Variants in CHSY3 observed in about 807,000 individuals in gnomAD.
CHSY3 encodes the protein chondroitin sulfate synthase 3.
Under a neutral mutation model 67.2 loss-of-function variants are expected in CHSY3, and 35 were observed. The ratio of observed to expected loss-of-function variants is 0.52; its 90% CI spans 0.40 to 0.69. The LOEUF is 0.69. Ranked by LOEUF, CHSY3 falls within the 30% of genes least tolerant of loss-of-function variation. The probability of loss-of-function intolerance (pLI) is 0.00; values close to 1 mark genes in which losing one functional copy is unlikely to be tolerated. For missense variants in CHSY3, 1,069 were observed against 1,138.5 expected, an observed-to-expected ratio of 0.94 and a Z score of 0.88; for synonymous variants, 474 against 434.7, an observed-to-expected ratio of 1.09 and a Z score of -1.12.
intron 2 of CHSY3, among the ~76,000 whole-genome samples, chr5:129,979,173 C>T (rs1762899711): frequency 7.7e-6 from 1 of 129,700 alleles, no homozygotes; most frequent in African/African-American, 3.0e-5. Context: ...GCACTCCAGC[C>T]TGGGTGAGAC....
intron 2 of CHSY3, among the ~76,000 whole-genome samples, chr5:130,094,410 G>C (rs906489437): frequency 2.0e-5 from 3 of 152,150 alleles, no homozygotes; most frequent in Non-Finnish European, 4.4e-5. Context: ...CTTTTTCTGT[G>C]TACTGACCTT....
At chr5:129,912,430 T>TG (rs2149577302) in intron 2 of CHSY3, among the ~76,000 whole-genome samples, 1 of 152,230 alleles carries the variant, frequency 6.6e-6, no homozygotes, top group Non-Finnish European at 1.5e-5. Context: ...AACCTCCTCC[T>TG]GGTGTACCTC....
intron 2 of CHSY3, among the ~76,000 whole-genome samples, chr5:130,116,696 G>A (rs1261472803): frequency 1.3e-5 from 2 of 152,184 alleles, no homozygotes; most frequent in Admixed American, 6.5e-5. Context: ...AGATCCCACA[G>A]AGCCCATCTG....
intron 2 of CHSY3, among the ~76,000 whole-genome samples, chr5:129,920,414 T>A (rs1277258243): frequency 1.3e-5 from 2 of 152,114 alleles, no homozygotes; most frequent in East Asian, 1.9e-4. Context: ...TCTGACTAAT[T>A]TTTGTATTTT....
chr5:130,143,756 A>ATATATATATGTGTGTGTGTG (rs1433405052), intron 2 of CHSY3, among the ~76,000 whole-genome samples: 10 of 101,918 alleles, frequency 9.8e-5, no homozygotes, highest in African/African-American at 4.8e-4. Context: ...ATATATATAT[A>ATATATATATGTGTGTGTGTG]TGTGTGTGTG....
chr5:130,006,737 A>T (rs1371016217), intron 2 of CHSY3, among the ~76,000 whole-genome samples: 1 of 152,120 alleles, frequency 6.6e-6, no homozygotes, highest in African/African-American at 2.4e-5. Context: ...TATCATTTTT[A>T]AAATTTAATA....
intron 2 of CHSY3, among the ~76,000 whole-genome samples, chr5:130,026,094 T>C (rs1271164116): frequency 6.6e-6 from 1 of 152,164 alleles, no homozygotes; most frequent in African/African-American, 2.4e-5. Flanking sequence ...ACTTGTTGCC[T>C]CACAAGACCA....
intron 2 of CHSY3, among the ~76,000 whole-genome samples, chr5:129,979,839 AC>A (rs1312597871): frequency 6.6e-6 from 1 of 152,166 alleles, no homozygotes; most frequent in African/African-American, 2.4e-5. Flanking sequence ...TATAGTTGGA[AC>A]CAAAAAGTAC....
intron 2 of CHSY3, among the ~76,000 whole-genome samples, chr5:130,069,802 C>T (rs1766002543): frequency 6.6e-6 from 1 of 151,960 alleles, no homozygotes; most frequent in South Asian, 2.1e-4. Context: ...ATTTCTCTTA[C>T]CTTTATGTTT....
At chr5:130,136,362 G>A (rs933852013) in intron 2 of CHSY3, among the ~76,000 whole-genome samples, 1 of 152,146 alleles carries the variant, frequency 6.6e-6, no homozygotes, top group African/African-American at 2.4e-5. Flanking sequence ...GTGTATGGAT[G>A]GTTGCAAAGA....
At chr5:130,043,657 A>G (rs1459599178) in intron 2 of CHSY3, among the ~76,000 whole-genome samples, 4 of 152,182 alleles carry the variant, frequency 2.6e-5, no homozygotes, top group African/African-American at 9.6e-5. Context: ...GCCTTCTAGT[A>G]TGGAACTAAG....
intron 2 of CHSY3, among the ~76,000 whole-genome samples, chr5:130,086,921 G>C (rs572238938): frequency 1.2e-4 from 18 of 152,032 alleles, no homozygotes; most frequent in South Asian, 4.2e-4. Flanking sequence ...CAAAAAAAGA[G>C]AATTTTAGAC....
intron 2 of CHSY3, among the ~76,000 whole-genome samples, chr5:129,915,115 A>G (rs1239806990): frequency 6.6e-6 from 1 of 152,202 alleles, no homozygotes; most frequent in Non-Finnish European, 1.5e-5. Context: ...ATATTCTACT[A>G]TATAACTATA....
chr5:130,059,764 C>T (rs1278928540), intron 2 of CHSY3, among the ~76,000 whole-genome samples: 1 of 152,016 alleles, frequency 6.6e-6, no homozygotes, highest in African/African-American at 2.4e-5. Context: ...TACCAAGTTT[C>T]AAAAGGTATC....
chr5:130,035,901 T>G (rs896012733), intron 2 of CHSY3, among the ~76,000 whole-genome samples: 2 of 148,580 alleles, frequency 1.3e-5, no homozygotes, highest in African/African-American at 2.5e-5. Flanking sequence ...TTTTTTTTTT[T>G]TTTTTTTTTT....
chr5:130,176,250 A>G lies in CHSY3; in HGVS notation c.1087-7979A>G, dbSNP rs143211992. Among the ~76,000 whole-genome samples, 1,168 of 152,342 alleles carry G rather than the reference A, an allele frequency of 7.7e-3. 14 individuals carry two copies. Among genetic ancestry groups the G allele is most frequent in the African/African-American group, 0.027 (1,114 of 41,586 alleles). ...TGCAGCCAACAAATATATGAAAAAA[A>G]AAGCCCATCATCACTGGTCATTAGA... On this transcript the variant is annotated intron_variant, in intron 2 of 2. Coordinates refer to ENST00000305031, the MANE Select transcript of CHSY3 (RefSeq NM_175856.5).
At chr5:129,920,234 C>CT (rs1465592800) in intron 2 of CHSY3, among the ~76,000 whole-genome samples, 1 of 152,156 alleles carries the variant, frequency 6.6e-6, no homozygotes, top group East Asian at 1.9e-4. Flanking sequence ...GAATAGGTTT[C>CT]TTTTTTTGTT....
chr5:130,172,304 T>C (rs183461232), intron 2 of CHSY3, among the ~76,000 whole-genome samples: 80 of 37,332 alleles, frequency 2.1e-3, no homozygotes, highest in African/African-American at 3.5e-3. Context: ...TTTAACTCTT[T>C]TTTTTCTTTT....
At chr5:130,096,480 T>C (rs1767051857) in intron 2 of CHSY3, among the ~76,000 whole-genome samples, 1 of 152,208 alleles carries the variant, frequency 6.6e-6, no homozygotes, top group Non-Finnish European at 1.5e-5. Flanking sequence ...TGGTTAGTAG[T>C]ATTGTATCAA....
Sources: gnomAD v4.1 joint callset for allele counts (sites outside exome capture counted in the v4.1 genomes callset) on GRCh38, gnomAD v4.1.1 for gene constraint, MANE v1.5 for transcripts, NCBI Gene and HGNC (gene_info 2026-07-23, HGNC 2026-07-21) for gene names.